IQUB: variants seen among roughly 807,000 people sequenced by gnomAD.
IQUB encodes IQ motif and ubiquitin domain containing, also known as IQ motif and ubiquitin-like domain-containing protein.
In IQUB, 86 loss-of-function variants were observed where a neutral mutation model predicts 86.4. The observed-to-expected ratio is 1.00, with a 90% CI of 0.84 to 1.19. The LOEUF (loss-of-function observed/expected upper bound fraction) is 1.19, where lower values mean the gene tolerates loss of function less well. IQUB is among the 50% of genes most tolerant of loss of function. The pLI is 0.00. For missense variants in IQUB, 946 were observed against 916.9 expected, an observed-to-expected ratio of 1.03 and a Z score of -0.41; for synonymous variants, 289 against 304.5, an observed-to-expected ratio of 0.95 and a Z score of 0.53.
At chr7:123,457,260 A>T in intron 12 of IQUB, 121 bp downstream of exon 12, 1 of 1,438,908 alleles carries the variant, frequency 6.9e-7, no homozygotes, top group Non-Finnish European at 9.1e-7. Context: ...GTTAATCCAT[A>T]AGTTCTGTTT....
rs1212656298 is a variant in IQUB, at chr7:123,457,577, A to T, written c.2008-11T>A. 6.3e-7 allele frequency: 1 copy of T among 1,588,794 alleles called. No homozygotes were observed. The highest frequency in any genetic ancestry group is 1.4e-5 in the African/African-American group (1 of 73,224). On this transcript the variant is annotated splice_polypyrimidine_tract_variant and intron_variant, in intron 11 of 12. Transcript: ENST00000324698. ...CTGAATGTCTTGTAGCTGCATGTCA[A>T]AGCAAGTTTTAAAAACAATGTAGTT...
Position 123,452,357 on chromosome 7 carries a change from C to CTGA in IQUB, c.*383_*385dup, listed in dbSNP as rs1793461999. 6.5e-6 allele frequency: 1 copy of CTGA among 153,522 alleles called. No individual in the cohort carries two copies. Among genetic ancestry groups the CTGA allele is most frequent in the African/African-American group, 2.4e-5 (1 of 41,484 alleles). 9.5% of individuals were successfully genotyped at this position (153,522 alleles called of 1,614,324 possible). On this transcript the variant is annotated 3_prime_UTR_variant, in exon 13 of 13. Coordinates refer to ENST00000324698, the MANE Select transcript of IQUB (RefSeq NM_178827.5). ...TATAATGTTTCCTCCCCTCCACATA[C>CTGA]TGATTAGCTTCCTATAACTACATTC...
intron 3 of IQUB, among the ~76,000 whole-genome samples, chr7:123,508,524 C>T (rs982162806): frequency 2.0e-5 from 3 of 152,174 alleles, no homozygotes; most frequent in African/African-American, 7.2e-5. Flanking sequence ...GGATGCCTGG[C>T]ATAGAGTCAA....
At chr7:123,474,689 A>G (rs569158742) in intron 8 of IQUB, among the ~76,000 whole-genome samples, 1 of 152,194 alleles carries the variant, frequency 6.6e-6, no homozygotes, top group Non-Finnish European at 1.5e-5. Flanking sequence ...TAATTAGGCT[A>G]TGTGCACTGA....
At chr7:123,481,709 A>C (rs1795011413) in intron 7 of IQUB, among the ~76,000 whole-genome samples, 1 of 152,148 alleles carries the variant, frequency 6.6e-6, no homozygotes, top group Non-Finnish European at 1.5e-5. Flanking sequence ...TAGCCTATCA[A>C]GCTATTTGAT....
chr7:123,501,629 T>C (rs1160087284), intron 6 of IQUB: 2 of 152,208 alleles, frequency 1.3e-5, no homozygotes, highest in Admixed American at 1.3e-4. Flanking sequence ...AGAAGCAGCC[T>C]CAATTATACA....
At chr7:123,478,612 A>G (rs1336115846) in intron 8 of IQUB, among the ~76,000 whole-genome samples, 1 of 152,170 alleles carries the variant, frequency 6.6e-6, no homozygotes, top group Non-Finnish European at 1.5e-5. Flanking sequence ...GGACTTAGTA[A>G]GTGCTCAAAA....
chr7:123,494,533 C>A (rs1337459348), intron 7 of IQUB, among the ~76,000 whole-genome samples: 1 of 151,920 alleles, frequency 6.6e-6, no homozygotes, highest in Non-Finnish European at 1.5e-5. Context: ...AATTTTAGAA[C>A]TAGAAAAACC....
At chr7:123,475,026 G>A (rs1484888131) in intron 8 of IQUB, among the ~76,000 whole-genome samples, 3 of 152,104 alleles carry the variant, frequency 2.0e-5, no homozygotes, top group African/African-American at 7.2e-5. Context: ...ATGGAGCCCA[G>A]CTTATTTATC....
chr7:123,524,168 G>C (rs1463727496), intron 1 of IQUB, among the ~76,000 whole-genome samples: 1 of 148,884 alleles, frequency 6.7e-6, no homozygotes, highest in Non-Finnish European at 1.5e-5. Flanking sequence ...TTTGGCTTAG[G>C]ATTGACTTGG....
At chr7:123,493,673 T>C (rs1795573351) in intron 7 of IQUB, among the ~76,000 whole-genome samples, 1 of 151,696 alleles carries the variant, frequency 6.6e-6, no homozygotes, top group African/African-American at 2.4e-5. Context: ...GAATTACGTA[T>C]ATCCTATGAA....
chr7:123,517,014 T>C (rs1247695973), intron 1 of IQUB, among the ~76,000 whole-genome samples: 2 of 152,156 alleles, frequency 1.3e-5, no homozygotes, highest in Admixed American at 6.5e-5. Context: ...ATGAGCTTTA[T>C]ATTCACATAG....
At chr7:123,458,949 T>A (rs1793848223) in intron 11 of IQUB, among the ~76,000 whole-genome samples, 1 of 152,000 alleles carries the variant, frequency 6.6e-6, no homozygotes, top group Non-Finnish European at 1.5e-5. Context: ...TGGCATCATG[T>A]TCACATTTAA....
chr7:123,516,408 A>C (rs1359068374), intron 1 of IQUB, among the ~76,000 whole-genome samples: 1 of 152,236 alleles, frequency 6.6e-6, no homozygotes, highest in Non-Finnish European at 1.5e-5. Context: ...CATTTATCTT[A>C]TCATAATTCA....
Position 123,479,793 on chromosome 7 carries a change from A to G in IQUB, c.1410+2T>C. The G allele has an allele frequency of 6.2e-7, 1 of 1,608,776 alleles. No individual in the cohort carries two copies. Among genetic ancestry groups the G allele is most frequent in the Non-Finnish European group, 8.5e-7 (1 of 1,176,546 alleles). On this transcript the variant is annotated splice_donor_variant, in intron 8 of 12. Transcript: ENST00000324698. LOFTEE classifies it high-confidence loss of function. ...TATTTAAATAGTAGTCACTTCACTAACCTTATCCAAAAAAGCTTGTATTGC... is the reference window on the plus strand; with the variant it reads ...TATTTAAATAGTAGTCACTTCACTAGCCTTATCCAAAAAAGCTTGTATTGC...
At chr7:123,506,102 A>G (rs1231113184) in intron 3 of IQUB, among the ~76,000 whole-genome samples, 2 of 152,200 alleles carry the variant, frequency 1.3e-5, no homozygotes, top group Non-Finnish European at 2.9e-5. Flanking sequence ...TGTCTTTGCT[A>G]AAGCATAGCA....
chr7:123,486,131 C>G (rs771706588), intron 7 of IQUB, among the ~76,000 whole-genome samples: 1 of 152,086 alleles, frequency 6.6e-6, no homozygotes, highest in Non-Finnish European at 1.5e-5. Context: ...AAGGGTTTTA[C>G]GTTAGACTGA....
chr7:123,532,542 T>A (rs191932317), intron 1 of IQUB: 4 of 152,108 alleles, frequency 2.6e-5, no homozygotes, highest in African/African-American at 9.7e-5. Flanking sequence ...CTGAGAACAA[T>A]ACACAGACCT....
intron 1 of IQUB, among the ~76,000 whole-genome samples, chr7:123,519,062 C>T (rs1025132351): frequency 1.3e-5 from 2 of 152,016 alleles, no homozygotes; most frequent in Admixed American, 6.6e-5. Flanking sequence ...TGAAAAAATA[C>T]TCAACATCAA....
Sources: allele counts gnomAD v4.1 joint callset (sites outside exome capture counted in the v4.1 genomes callset), GRCh38; gene constraint gnomAD v4.1.1; transcripts MANE v1.5; gene names NCBI Gene and HGNC (gene_info 2026-07-23, HGNC 2026-07-21).